The following CACNA2D3 variants were observed in gnomAD, a reference collection of about 807,000 sequenced individuals.
CACNA2D3 encodes calcium voltage-gated channel auxiliary subunit alpha2delta 3.
A neutral mutation model predicts 160.6 loss-of-function variants in CACNA2D3; 60 were observed. The observed-to-expected ratio is 0.37, with a 90% CI of 0.30 to 0.46. CACNA2D3 has a LOEUF of 0.46. CACNA2D3 is among the 20% of genes least tolerant of loss of function. CACNA2D3 has a pLI of 1.00. For synonymous variants in CACNA2D3, 558 were observed against 492.9 expected, an observed-to-expected ratio of 1.13 and a Z score of -1.75; for missense variants, 1,205 against 1,365.0, an observed-to-expected ratio of 0.88 and a Z score of 1.85.
intron 4 of CACNA2D3, among the ~76,000 whole-genome samples, chr3:54,459,285 C>T (rs1325701304): frequency 6.7e-6 from 1 of 148,618 alleles, no homozygotes; most frequent in African/African-American, 2.5e-5. Context: ...GGGTATATAC[C>T]CAGTAATGGG....
chr3:54,706,508 T>A (rs1331820400), intron 11 of CACNA2D3, among the ~76,000 whole-genome samples: 1 of 152,204 alleles, frequency 6.6e-6, no homozygotes, highest in Non-Finnish European at 1.5e-5. Flanking sequence ...TGTCTTTATT[T>A]ATTAAAAATG....
chr3:54,854,368 T>C (rs1699122895), intron 17 of CACNA2D3, among the ~76,000 whole-genome samples: 1 of 152,132 alleles, frequency 6.6e-6, no homozygotes, highest in African/African-American at 2.4e-5. Context: ...ATTGCAGCGT[T>C]GAGGGGAGGG....
intron 35 of CACNA2D3, among the ~76,000 whole-genome samples, chr3:55,060,084 G>A (rs1436443293): frequency 6.6e-6 from 1 of 152,078 alleles, no homozygotes; most frequent in African/African-American, 2.4e-5. Context: ...GCTTGAAGGT[G>A]GGGCCTTTGT....
chr3:54,332,036 T>G (rs1377702240), intron 3 of CACNA2D3, among the ~76,000 whole-genome samples: 1 of 152,202 alleles, frequency 6.6e-6, no homozygotes, highest in African/African-American at 2.4e-5. Context: ...GTGGCTACAT[T>G]TGAATATGTG....
At chr3:54,479,849 A>G (rs1288355856) in intron 4 of CACNA2D3, among the ~76,000 whole-genome samples, 2 of 152,222 alleles carry the variant, frequency 1.3e-5, no homozygotes, top group African/African-American at 4.8e-5. Context: ...CTATTAGTCA[A>G]ATTTTTACAG....
chr3:54,788,937 A>G (rs1016129506), intron 13 of CACNA2D3, among the ~76,000 whole-genome samples: 2 of 152,198 alleles, frequency 1.3e-5, no homozygotes, highest in African/African-American at 4.8e-5. Flanking sequence ...GAGACATTTA[A>G]TAAGTTTTGT....
chr3:54,129,412 CAAGGCTGTTT>C (rs1159057139), intron 2 of CACNA2D3, among the ~76,000 whole-genome samples: 2 of 152,250 alleles, frequency 1.3e-5, no homozygotes, highest in African/African-American at 4.8e-5. Context: ...GTGCTCATTC[CAAGGCTGTTT>C]AAGGCACTAA....
chr3:55,062,414 G>C (rs575025593), intron 35 of CACNA2D3, among the ~76,000 whole-genome samples: 3 of 146,426 alleles, frequency 2.0e-5, no homozygotes, highest in African/African-American at 7.8e-5. Flanking sequence ...ACACCTGGCT[G>C]TATCTTCTCA....
At chr3:54,677,806 T>A (rs1700271811) in intron 11 of CACNA2D3, among the ~76,000 whole-genome samples, 1 of 152,010 alleles carries the variant, frequency 6.6e-6, no homozygotes, top group South Asian at 2.1e-4. Context: ...GGAGTAAAGT[T>A]TGATTGATTA....
intron 10 of CACNA2D3, among the ~76,000 whole-genome samples, chr3:54,628,277 A>G (rs1699166013): frequency 6.6e-6 from 1 of 152,218 alleles, no homozygotes; most frequent in Non-Finnish European, 1.5e-5. Context: ...GCTGACACTG[A>G]GCAGATCTAT....
At chr3:54,881,663 AT>A (rs1393576861) in intron 21 of CACNA2D3, among the ~76,000 whole-genome samples, 1 of 152,178 alleles carries the variant, frequency 6.6e-6, no homozygotes, top group East Asian at 1.9e-4. Flanking sequence ...CTTGCAGGTC[AT>A]TAGGTTTTGC....
chr3:54,595,323 T>TGGGTGTGG (rs143145735), intron 9 of CACNA2D3, among the ~76,000 whole-genome samples: 5 of 150,032 alleles, frequency 3.3e-5, no homozygotes, highest in Non-Finnish European at 5.9e-5. Flanking sequence ...GGTGTGTGTG[T>TGGGTGTGG]GTGTGTGTGT....
chr3:54,299,387 G>T (rs535513340), intron 2 of CACNA2D3, among the ~76,000 whole-genome samples: 37 of 152,296 alleles, frequency 2.4e-4, no homozygotes, highest in African/African-American at 8.4e-4. Flanking sequence ...TGTTGGCAAG[G>T]GGAGTGTTTG....
At chr3:54,128,307 G>A (rs575293712) in intron 2 of CACNA2D3, among the ~76,000 whole-genome samples, 2 of 152,132 alleles carry the variant, frequency 1.3e-5, no homozygotes, top group Admixed American at 6.5e-5. Flanking sequence ...ATGTCAGCAT[G>A]AGCAAAAGTA....
chr3:54,572,116 GGC>G (rs1702508579), intron 8 of CACNA2D3, among the ~76,000 whole-genome samples: 1 of 147,444 alleles, frequency 6.8e-6, no homozygotes, highest in South Asian at 2.2e-4. Flanking sequence ...CCAGGCAGAG[GGC>G]CTGGGCCTCT....
At chr3:54,959,920 A>G (rs6445710) in intron 27 of CACNA2D3, among the ~76,000 whole-genome samples, 93,082 of 151,952 alleles carry the variant, frequency 0.61, 29,350 homozygotes, top group African/African-American at 0.76. Context: ...GATTACCTCA[A>G]GGGTGAAAAG....
At chr3:54,472,933 G>A (rs1475563991) in intron 4 of CACNA2D3, among the ~76,000 whole-genome samples, 8 of 152,122 alleles carry the variant, frequency 5.3e-5, no homozygotes, top group African/African-American at 1.9e-4. Flanking sequence ...GGAAGAATCA[G>A]TATCGTGAAA....
At chr3:54,801,607 T>A (rs1702989250) in intron 13 of CACNA2D3, among the ~76,000 whole-genome samples, 1 of 152,190 alleles carries the variant, frequency 6.6e-6, no homozygotes, top group African/African-American at 2.4e-5. Context: ...ATGAAGTTAA[T>A]TGAGATCAGC....
At chr3:54,472,945 C>T (rs745733132) in intron 4 of CACNA2D3, among the ~76,000 whole-genome samples, 1 of 152,100 alleles carries the variant, frequency 6.6e-6, no homozygotes, top group Non-Finnish European at 1.5e-5. Flanking sequence ...ATCGTGAAAA[C>T]GGCCATAATG....
Sources: allele counts gnomAD v4.1 joint callset (sites outside exome capture counted in the v4.1 genomes callset), GRCh38; gene constraint gnomAD v4.1.1; transcripts MANE v1.5; gene names NCBI Gene and HGNC (gene_info 2026-07-23, HGNC 2026-07-21).